Variants in RYR3 observed in about 807,000 individuals in gnomAD.
RYR3 encodes the protein brain ryanodine receptor-calcium release channel.
In RYR3, 207 loss-of-function variants were observed where a neutral mutation model predicts 584.3. That is an observed-to-expected ratio of 0.35 (90% CI 0.32 to 0.40). The LOEUF is 0.40. Among genes scored for constraint, RYR3 ranks in the 10% least tolerant of loss-of-function variants. The pLI, the probability that RYR3 is intolerant of heterozygous loss-of-function variation, is 1.00. For synonymous variants in RYR3, 2,416 were observed against 2,248.5 expected (o/e 1.07, Z -2.11); for missense variants, 5,616 against 6,089.2 (o/e 0.92, Z 2.59).
chr15:33,809,232 T>A (rs914857809), intron 70 of RYR3, among the ~76,000 whole-genome samples: 38 of 152,198 alleles, frequency 2.5e-4, no homozygotes, highest in African/African-American at 8.7e-4. Flanking sequence ...GCATCTGGCG[T>A]GCTTCCAGAG....
At chr15:33,328,924 A>G (rs1440343204) in intron 1 of RYR3, among the ~76,000 whole-genome samples, 2 of 151,358 alleles carry the variant, frequency 1.3e-5, no homozygotes, top group Non-Finnish European at 2.9e-5. Flanking sequence ...CTCCTTCTTC[A>G]TTTCTTGCTT....
In RYR3 at chr15:33,599,351, C is replaced by A. The variant is rs564469674; in HGVS notation, c.1789-2068C>A. On this transcript the variant is annotated intron_variant, in intron 16 of 103. Transcript: ENST00000634891. ...CAAGGTTGAGGACACGCTCGTGACA[C>A]AGCCTCATTAAATCCTGACGACACG... 2.3e-3 allele frequency among the ~76,000 whole-genome samples: 351 copies of A among 152,252 alleles called. 2 individuals carry two copies. Among genetic ancestry groups the A allele is most frequent in the Non-Finnish European group, 4.1e-3 (276 of 68,018 alleles).
intron 1 of RYR3, among the ~76,000 whole-genome samples, chr15:33,347,763 T>TA (rs1321076677): frequency 2.0e-5 from 3 of 152,028 alleles, no homozygotes; most frequent in African/African-American, 7.2e-5. Flanking sequence ...GCCCATCAAT[T>TA]AAACAAAATT....
intron 75 of RYR3, among the ~76,000 whole-genome samples, chr15:33,817,247 G>A (rs1375921950): frequency 2.0e-5 from 3 of 152,180 alleles, no homozygotes; most frequent in African/African-American, 7.2e-5. Flanking sequence ...GCTAAGTGAA[G>A]TTTTGAGCAC....
chr15:33,784,688 A>C (rs1375739022), intron 65 of RYR3, among the ~76,000 whole-genome samples: 1 of 152,114 alleles, frequency 6.6e-6, no homozygotes, highest in Non-Finnish European at 1.5e-5. Context: ...TGCGTATGCA[A>C]ACCTTTGGGC....
intron 31 of RYR3, 31 bp downstream of exon 31, chr15:33,649,266 C>T: frequency 6.3e-7 from 1 of 1,596,486 alleles, no homozygotes; most frequent in Non-Finnish European, 8.5e-7. Context: ...CAGGGTTAGC[C>T]ATCGGGCTTC....
Position 33,848,431 on chromosome 15 carries a change from C to A in RYR3, c.13628+10C>A. The A allele has an allele frequency of 6.2e-7, 1 of 1,604,178 alleles. No individual in the cohort carries two copies. The highest frequency in any genetic ancestry group is 1.1e-5 in the South Asian group (1 of 89,802). On this transcript the variant is annotated intron_variant, in intron 94 of 103. Transcript: ENST00000634891. ...TGGTGATCAACACACCGTGAGTGTC[C>A]CTCTACCCCAACCTAAAAAGGAGAT...
rs758257286 is a variant in RYR3, at chr15:33,603,193, A to G, written c.1993A>G (p.Ile665Val). The change falls in exon 18 of 104, where the codon ATT (isoleucine) becomes GTT (valine). Residue 665 changes from isoleucine to valine, a missense_variant. This residue lies in a region of RYR3 where 1,284 missense variants were observed against 1,344.6 expected (regional missense o/e 0.95). Transcript: ENST00000634891. Reference protein sequence around the residue: ...AQYKKWYFELIIDQVDPFLTA... With the variant: ...AQYKKWYFELVIDQVDPFLTA... ...GTACAAGAAGTGGTACTTCGAGCTG[A>G]TTATCGACCAGGTGGACCCCTTCCT... 2.5e-6 allele frequency: 4 copies of G among 1,613,756 alleles called. No homozygotes were observed. The highest frequency in any genetic ancestry group is 2.7e-5 in the African/African-American group (2 of 74,888).
intron 2 of RYR3, among the ~76,000 whole-genome samples, chr15:33,480,252 A>G (rs896376771): frequency 1.4e-4 from 21 of 152,126 alleles, no homozygotes; most frequent in African/African-American, 5.1e-4. Flanking sequence ...TGGCTCCAAC[A>G]CTTAGCTGTG....
intron 1 of RYR3, among the ~76,000 whole-genome samples, chr15:33,432,128 A>C (rs2045212494): frequency 6.6e-6 from 1 of 152,196 alleles, no homozygotes; most frequent in African/African-American, 2.4e-5. Context: ...TTTTGGATGA[A>C]AATAAATATG....
At chr15:33,562,465 C>G (rs1020745179) in intron 10 of RYR3, among the ~76,000 whole-genome samples, 1 of 152,010 alleles carries the variant, frequency 6.6e-6, no homozygotes, top group African/African-American at 2.4e-5. Context: ...AGATGTCACT[C>G]GCTGGAAATA....
At chr15:33,852,217 T>G (rs1297352052) in intron 94 of RYR3, 1 of 152,080 alleles carries the variant, frequency 6.6e-6, no homozygotes, top group Non-Finnish European at 1.5e-5. Flanking sequence ...GGCCAGAGAC[T>G]CCTAGGCTGC....
At chr15:33,716,032 G>C (rs2067470062) in intron 43 of RYR3, among the ~76,000 whole-genome samples, 1 of 152,164 alleles carries the variant, frequency 6.6e-6, no homozygotes, top group Non-Finnish European at 1.5e-5. Flanking sequence ...CCTCACACTA[G>C]TGAGTTCTCA....
At chr15:33,642,265 G>A (rs988582333) in intron 27 of RYR3, among the ~76,000 whole-genome samples, 6 of 152,108 alleles carry the variant, frequency 3.9e-5, no homozygotes, top group South Asian at 2.1e-4. Flanking sequence ...CCTGCTGCTC[G>A]CTTATTGCAC....
chr15:33,524,272 A>G (rs2054234882), intron 3 of RYR3, among the ~76,000 whole-genome samples: 1 of 152,226 alleles, frequency 6.6e-6, no homozygotes, highest in Non-Finnish European at 1.5e-5. Flanking sequence ...TATATGTAAT[A>G]CTTGAAGGTA....
At chr15:33,762,982 AC>A (rs2072637727) in intron 60 of RYR3, among the ~76,000 whole-genome samples, 1 of 152,194 alleles carries the variant, frequency 6.6e-6, no homozygotes, top group Admixed American at 6.5e-5. Context: ...CCGCCATCTG[AC>A]CTTTGACAAA....
rs141994960 is a variant in RYR3, at chr15:33,864,033, T to C, written c.14466-105T>C. ...CCCTGATCATTTAAGTCACTGTAGA[T>C]AGCGTGGGACCAACTAGCCTTTCTG... On this transcript the variant is annotated intron_variant, in intron 102 of 103. Coordinates refer to ENST00000634891, the MANE Select transcript of RYR3 (RefSeq NM_001036.6). 934 of 739,428 alleles carry C rather than the reference T, an allele frequency of 1.3e-3. 1 individual carries two copies. The highest frequency in any genetic ancestry group is 3.5e-3 in the Admixed American group (162 of 45,762). The allele number at this position is 739,428 out of a possible 1,614,324, so 45.8% of individuals were successfully genotyped here.
chr15:33,638,067 C>A (rs1030610490), intron 27 of RYR3, among the ~76,000 whole-genome samples: 2 of 152,098 alleles, frequency 1.3e-5, no homozygotes, highest in African/African-American at 4.8e-5. Flanking sequence ...ATAAAGCTTA[C>A]AAGTCCGTTG....
intron 26 of RYR3, among the ~76,000 whole-genome samples, 195 bp downstream of exon 26, chr15:33,636,014 C>T (rs1353955884): frequency 6.6e-6 from 1 of 152,194 alleles, no homozygotes; most frequent in African/African-American, 2.4e-5. Context: ...GAGCACTGTA[C>T]CCCAAATCCT....
Sources: allele counts gnomAD v4.1 joint callset (sites outside exome capture counted in the v4.1 genomes callset), GRCh38; gene constraint gnomAD v4.1.1; regional missense constraint gnomAD v4.1.1; transcripts MANE v1.5; gene names NCBI Gene and HGNC (gene_info 2026-07-23, HGNC 2026-07-21).